The following CNTNAP2 variants were observed in gnomAD, a reference collection of about 807,000 sequenced individuals.
CNTNAP2 encodes the protein contactin-associated protein-like 2.
A neutral mutation model predicts 155.2 loss-of-function variants in CNTNAP2; 98 were observed. The observed-to-expected ratio is 0.63, with a 90% confidence interval of 0.54 to 0.75. The LOEUF is 0.75. Ranked by LOEUF, CNTNAP2 falls within the 30% of genes least tolerant of loss-of-function variation. CNTNAP2 has a pLI of 0.00. For missense variants in CNTNAP2, 1,727 were observed against 1,688.1 expected (o/e 1.02, Z -0.40); for synonymous variants, 651 against 631.2 (o/e 1.03, Z -0.47).
chr7:146,939,015 C>T (rs1796988047), intron 3 of CNTNAP2, among the ~76,000 whole-genome samples: 1 of 151,852 alleles, frequency 6.6e-6, no homozygotes, highest in South Asian at 2.1e-4. Context: ...CAAATGGAAA[C>T]CTGACATTTA....
chr7:148,345,362 GT>G (rs1275958530), intron 21 of CNTNAP2, among the ~76,000 whole-genome samples: 1 of 151,730 alleles, frequency 6.6e-6, no homozygotes, highest in Admixed American at 6.6e-5. Context: ...TTGTTTGTTT[GT>G]TTGTTTGTTT....
chr7:147,184,276 TAA>T (rs1802522035), intron 8 of CNTNAP2, among the ~76,000 whole-genome samples: 1 of 152,182 alleles, frequency 6.6e-6, no homozygotes, highest in Non-Finnish European at 1.5e-5. Context: ...GGATCGCTCC[TAA>T]GGCTGCCCAA....
intron 14 of CNTNAP2, among the ~76,000 whole-genome samples, chr7:147,961,789 C>G (rs1187602308): frequency 1.3e-5 from 2 of 152,064 alleles, no homozygotes; most frequent in Non-Finnish European, 2.9e-5. Flanking sequence ...TATTCATTAT[C>G]TAATTATAAT....
intron 1 of CNTNAP2, among the ~76,000 whole-genome samples, chr7:146,626,739 C>T (rs1799426272): frequency 6.6e-6 from 1 of 152,064 alleles, no homozygotes; most frequent in African/African-American, 2.4e-5. Flanking sequence ...ATAATATCTT[C>T]ATTAAAATAA....
At chr7:147,589,909 C>A (rs566420603) in intron 12 of CNTNAP2, among the ~76,000 whole-genome samples, 42 of 152,176 alleles carry the variant, frequency 2.8e-4, no homozygotes, top group African/African-American at 9.9e-4. Context: ...TCACCAGCAG[C>A]GTGGAAGATC....
chr7:147,041,825 G>A (rs1167471431), intron 3 of CNTNAP2, among the ~76,000 whole-genome samples: 1 of 152,120 alleles, frequency 6.6e-6, no homozygotes, highest in Non-Finnish European at 1.5e-5. Context: ...ATTGTTTGGT[G>A]GCTTTTGTTG....
At position 146,341,537 on chromosome 7, in the gene CNTNAP2, G is replaced by C. The variant is rs190810726; in HGVS notation, c.97+224564G>C. ...ACAGTTGCGACAATTTTGTGCAGTAGTACTATCGTGCTGCTATACAAGTAA... is the reference window on the plus strand; with the variant it reads ...ACAGTTGCGACAATTTTGTGCAGTACTACTATCGTGCTGCTATACAAGTAA... On this transcript the variant is annotated intron_variant, in intron 1 of 23. Coordinates refer to ENST00000361727, the MANE Select transcript of CNTNAP2 (RefSeq NM_014141.6). Among the ~76,000 whole-genome samples, 24 of 152,194 alleles carry C rather than the reference G, an allele frequency of 1.6e-4. No individual in the cohort carries two copies. The East Asian group carries it at 4.2e-3, about 27-fold the overall frequency.
At chr7:148,411,659 G>T (rs1006441506) in intron 23 of CNTNAP2, among the ~76,000 whole-genome samples, 3 of 152,086 alleles carry the variant, frequency 2.0e-5, no homozygotes, top group Admixed American at 1.3e-4. Context: ...TCTAGAAGTT[G>T]TATCACTTTA....
intron 21 of CNTNAP2, among the ~76,000 whole-genome samples, chr7:148,291,290 ATATATAT>A (rs1313916359): frequency 1.2e-5 from 1 of 84,288 alleles, no homozygotes; most frequent in African/African-American, 4.0e-5. Context: ...CTAATGGAAT[ATATATAT>A]AATATATATA....
intron 8 of CNTNAP2, among the ~76,000 whole-genome samples, chr7:147,210,205 C>A (rs112467106): frequency 4.3e-4 from 65 of 152,068 alleles, no homozygotes; most frequent in African/African-American, 1.5e-3. Flanking sequence ...TAGAATTCAG[C>A]TGTTAATCCA....
intron 1 of CNTNAP2, among the ~76,000 whole-genome samples, chr7:146,555,539 T>G (rs1200822699): frequency 1.3e-5 from 2 of 150,306 alleles, no homozygotes; most frequent in African/African-American, 4.9e-5. Flanking sequence ...TCTATCTATC[T>G]ATGCGATATC....
At chr7:147,623,095 T>A (rs1794897036) in intron 12 of CNTNAP2, among the ~76,000 whole-genome samples, 1 of 151,846 alleles carries the variant, frequency 6.6e-6, no homozygotes. Flanking sequence ...GATATGAATA[T>A]CCAGTAACAA....
intron 15 of CNTNAP2, among the ~76,000 whole-genome samples, chr7:147,995,906 T>C (rs1207665946): frequency 1.3e-5 from 2 of 152,218 alleles, no homozygotes; most frequent in Non-Finnish European, 2.9e-5. Flanking sequence ...CAGTTTCTGC[T>C]GCATCCATTC....
At chr7:147,599,239 G>A (rs972230391) in intron 12 of CNTNAP2, among the ~76,000 whole-genome samples, 5 of 151,748 alleles carry the variant, frequency 3.3e-5, no homozygotes, top group African/African-American at 1.2e-4. Flanking sequence ...CAGTTTGGGA[G>A]GCCAAGGTGG....
At chr7:146,711,153 G>A (rs981617396) in intron 1 of CNTNAP2, among the ~76,000 whole-genome samples, 1 of 150,338 alleles carries the variant, frequency 6.7e-6, no homozygotes, top group Admixed American at 6.6e-5. Context: ...TGTATATACA[G>A]GAGAAAATGC....
At position 147,091,315 on chromosome 7, in the gene CNTNAP2, G is replaced by T. The variant is rs78796696; in HGVS notation, c.551-16832G>T. On this transcript the variant is annotated intron_variant, in intron 4 of 23. Coordinates refer to ENST00000361727, the MANE Select transcript of CNTNAP2 (RefSeq NM_014141.6). Reference sequence around the variant, plus strand: ...ATTGACTCAACTACGTATTTCTTCGGTCATGAGAAAGCTGGCATCACTTTA... The same window carrying T: ...ATTGACTCAACTACGTATTTCTTCGTTCATGAGAAAGCTGGCATCACTTTA... Among the ~76,000 whole-genome samples the T allele has an allele frequency of 5.5e-4, 83 of 152,060 alleles. No homozygotes were observed. The East Asian group carries it at 6.3e-3, about 12-fold the overall frequency.
intron 11 of CNTNAP2, among the ~76,000 whole-genome samples, chr7:147,486,359 G>C (rs1478120420): frequency 6.6e-6 from 1 of 152,156 alleles, no homozygotes; most frequent in Non-Finnish European, 1.5e-5. Flanking sequence ...TGGGTCGATT[G>C]TTTGGGAAAT....
chr7:147,199,009 T>C (rs990161507), intron 8 of CNTNAP2, among the ~76,000 whole-genome samples: 6 of 147,400 alleles, frequency 4.1e-5, no homozygotes, highest in Non-Finnish European at 7.4e-5. Flanking sequence ...TCACCCAGGC[T>C]GGAGTGCAAT....
chr7:146,332,846 A>G (rs1301526855), intron 1 of CNTNAP2, among the ~76,000 whole-genome samples: 2 of 151,822 alleles, frequency 1.3e-5, no homozygotes, highest in African/African-American at 2.4e-5. Flanking sequence ...GTATCATTCT[A>G]TGCATGTCCA....
Sources: gnomAD v4.1 joint callset for allele counts (sites outside exome capture counted in the v4.1 genomes callset) on GRCh38, gnomAD v4.1.1 for gene constraint, MANE v1.5 for transcripts, NCBI Gene and HGNC (gene_info 2026-07-23, HGNC 2026-07-21) for gene names.